Variants in ATM observed in about 807,000 individuals in gnomAD.
The protein encoded by ATM is ATM serine/threonine kinase.
ATM carries 308 observed loss-of-function variants against 387.0 expected under a neutral mutation model. That is an observed-to-expected ratio of 0.80 (90% CI 0.73 to 0.87). The LOEUF (loss-of-function observed/expected upper bound fraction) is 0.87, where lower values mean the gene tolerates loss of function less well. ATM is among the 40% of genes least tolerant of loss of function. The pLI is 0.00. For synonymous variants in ATM, 1,156 were observed against 1,187.3 expected (o/e 0.97, Z 0.54); for missense variants, 3,312 against 3,560.9 (o/e 0.93, Z 1.78).
rs574458765 is a variant in ATM, at chr11:108,251,021, T to C, written c.1556T>C (p.Val519Ala). ...ATAATTCAGGGTAGTTTAGTTGAGGTTGACAGAGAATTCTGGAAGTTATTT... is the reference window on the plus strand; with the variant it reads ...ATAATTCAGGGTAGTTTAGTTGAGGCTGACAGAGAATTCTGGAAGTTATTT... Reference protein sequence around the residue: ...GAIIQGSLVEVDREFWKLFTG... With the variant: ...GAIIQGSLVEADREFWKLFTG... Residue 519 changes from valine (V) to alanine (A), a missense_variant, in exon 10 of 63, where the codon GTT (valine) becomes GCT (alanine). Val to Ala is a moderately conservative substitution (Grantham distance 64). Around this residue, in one of 4 missense-constraint regions of ATM, gnomAD observed 1,791 missense variants for 1,804.5 expected, o/e 0.99. Coordinates refer to ENST00000675843, the MANE Select transcript of ATM (RefSeq NM_000051.4). The C allele has an allele frequency of 1.3e-5, 21 of 1,614,154 alleles. No individual in the cohort carries two copies. The South Asian group carries it at 2.0e-4, about 15-fold the overall frequency.
At chr11:108,307,860 A>G in intron 37 of ATM, 37 bp from the exon 38 acceptor site, 1 of 1,546,212 alleles carries the variant, frequency 6.5e-7, no homozygotes, top group Non-Finnish European at 8.9e-7. Context: ...GTAAGCAAGA[A>G]TGCCTGGGAC....
chr11:108,340,076 CAT>C (rs1473604881), intron 56 of ATM: 2 of 152,266 alleles, frequency 1.3e-5, no homozygotes, highest in Admixed American at 1.3e-4. Context: ...ACATAATAAA[CAT>C]AATTATAATG....
At chr11:108,275,333 T>C (rs1455922191) in intron 22 of ATM, among the ~76,000 whole-genome samples, 1 of 152,244 alleles carries the variant, frequency 6.6e-6, no homozygotes, top group Non-Finnish European at 1.5e-5. Flanking sequence ...GTCTCTGTCT[T>C]TTAACTGGGA....
rs730881322 is a variant in ATM at position 108,343,249 on chromosome 11, G to A, written c.8296G>A (p.Val2766Ile). The change falls in exon 57 of 63, where the codon GTT becomes ATT. Residue 2766 changes from valine to isoleucine, a missense_variant. Coordinates refer to ENST00000675843, the MANE Select transcript of ATM (RefSeq NM_000051.4). ...GGTTCCCCTCTCTCAGCGAAGTGGT[G>A]TTCTTGAATGGTGCACAGGAACTGT... ...KVVPLSQRSGVLEWCTGTVPI... is the reference protein window; with the variant it reads ...KVVPLSQRSGILEWCTGTVPI... 6.2e-7 allele frequency: 1 copy of A among 1,614,008 alleles called. No individual in the cohort carries two copies. The highest frequency in any genetic ancestry group is 8.5e-7 in the Non-Finnish European group (1 of 1,179,928).
chr11:108,308,165 G>GTCAA lies in ATM; in HGVS notation c.5762+182_5762+185dup, dbSNP rs1340274067. The GTCAA allele has an allele frequency of 9.3e-6, 6 of 643,112 alleles. No homozygotes were observed. In the Admixed American group the frequency reaches 1.4e-4, roughly 15 times the overall value. 39.8% of individuals were successfully genotyped at this position (643,112 alleles called of 1,614,324 possible). ...AGGATAGCAGTTTGGTTAAATCAGTGTCAAGAACTCTCAATTCTAGTACCA... is the reference window on the plus strand; with the variant it reads ...AGGATAGCAGTTTGGTTAAATCAGTGTCAATCAAGAACTCTCAATTCTAGTACCA... On this transcript the variant is annotated intron_variant, in intron 38 of 62. Coordinates refer to ENST00000675843, the MANE Select transcript of ATM (RefSeq NM_000051.4).
At chr11:108,311,148 T>G (rs2084123980) in intron 39 of ATM, among the ~76,000 whole-genome samples, 1 of 152,092 alleles carries the variant, frequency 6.6e-6, no homozygotes, top group Non-Finnish European at 1.5e-5. Context: ...TTTTAATTTT[T>G]ATTTTTAATA....
At chr11:108,331,625 GTA>G in intron 51 of ATM, 68 bp downstream of exon 51, 3 of 1,432,038 alleles carry the variant, frequency 2.1e-6, no homozygotes, top group Non-Finnish European at 2.8e-6. Flanking sequence ...ATTATATAAA[GTA>G]TATATACCAT....
chr11:108,347,256 T>G, intron 58 of ATM, 23 bp from the exon 59 acceptor site: 6 of 1,506,924 alleles, frequency 4.0e-6, no homozygotes, highest in South Asian at 1.1e-5. Flanking sequence ...TGATTTCAGA[T>G]TGTTTGTTTC....
At chr11:108,246,109 C>G (rs1231378540) in intron 7 of ATM, among the ~76,000 whole-genome samples, 1 of 152,084 alleles carries the variant, frequency 6.6e-6, no homozygotes, top group Non-Finnish European at 1.5e-5. Context: ...CAGGCATGAG[C>G]CACTGTGCCC....
Position 108,271,367 on chromosome 11 carries a change from A to C in ATM, c.3038A>C (p.Asp1013Ala), listed in dbSNP as rs756015891. 1.9e-6 allele frequency: 3 copies of C among 1,614,026 alleles called. No homozygotes were observed. The South Asian group carries it at 3.3e-5, about 18-fold the overall frequency. The change falls in exon 20 of 63, where the codon GAT (aspartate) becomes GCT (alanine). Residue 1013 changes from aspartate (D) to alanine (A), a missense_variant. Coordinates refer to ENST00000675843, the MANE Select transcript of ATM (RefSeq NM_000051.4). ...QSNMDSENTR[D>A]AQGQFLTVIG... Reference sequence around the variant, plus strand: ...AATATGGACTCTGAGAACACAAGGGATGCTCAAGGACAGTTTCTTACAGTA... The same window carrying C: ...AATATGGACTCTGAGAACACAAGGGCTGCTCAAGGACAGTTTCTTACAGTA...
Position 108,284,269 on chromosome 11 carries a change from T to C in ATM, c.3789T>C (p.Ser1263=), listed in dbSNP as rs2135705245. 1 of 1,613,080 alleles carries C rather than the reference T, an allele frequency of 6.2e-7. No homozygotes were observed. Among genetic ancestry groups the C allele is most frequent in the South Asian group, 1.1e-5 (1 of 91,034 alleles). ...TGATTCCACATCTGGTGATTAGAAGTCATTTTGATGAGGTGAAGTCCATTG... is the reference window on the plus strand; with the variant it reads ...TGATTCCACATCTGGTGATTAGAAGCCATTTTGATGAGGTGAAGTCCATTG... ...KVLIPHLVIR[S]HFDEVKSIAN... is the part of the protein sequence containing the mutation. The change falls in exon 26 of 63, where the codon AGT becomes AGC. Residue 1263 remains serine, a synonymous_variant. Transcript: ENST00000675843.
At chr11:108,296,463 G>T (rs994582743) in intron 32 of ATM, among the ~76,000 whole-genome samples, 1 of 151,980 alleles carries the variant, frequency 6.6e-6, no homozygotes, top group Non-Finnish European at 1.5e-5. Context: ...TGTTGTCCAG[G>T]CTGGTCTTGA....
At chr11:108,253,430 A>G (rs757664661) in intron 12 of ATM, among the ~76,000 whole-genome samples, 2 of 152,090 alleles carry the variant, frequency 1.3e-5, no homozygotes, top group Admixed American at 1.3e-4. Context: ...CTGCTTACCT[A>G]TACCAGATGT....
intron 5 of ATM, among the ~76,000 whole-genome samples, chr11:108,243,440 C>T (rs2079666032): frequency 6.6e-6 from 1 of 152,074 alleles, no homozygotes; most frequent in African/African-American, 2.4e-5. Context: ...CGGTGAAACC[C>T]CATCTTTACT....
At chr11:108,315,625 A>G (rs1315045090) in intron 40 of ATM, among the ~76,000 whole-genome samples, 198 bp from the exon 41 acceptor site, 1 of 152,178 alleles carries the variant, frequency 6.6e-6, no homozygotes, top group African/African-American at 2.4e-5. Context: ...ATCCACATAT[A>G]AGTTGTCCTG....
At chr11:108,342,425 G>T (rs2087703396) in intron 56 of ATM, among the ~76,000 whole-genome samples, 1 of 152,088 alleles carries the variant, frequency 6.6e-6, no homozygotes, top group Non-Finnish European at 1.5e-5. Flanking sequence ...TATACATATA[G>T]TATCCTAATT....
At chr11:108,337,911 A>G (rs1024449034) in intron 56 of ATM, among the ~76,000 whole-genome samples, 2 of 152,268 alleles carry the variant, frequency 1.3e-5, no homozygotes, top group African/African-American at 4.8e-5. Flanking sequence ...TGAACCTCCA[A>G]AGTTCATTGC....
Position 108,308,418 on chromosome 11 carries a change from G to A in ATM, c.5762+434G>A, listed in dbSNP as rs2301195. On this transcript the variant is annotated intron_variant, in intron 38 of 62. Coordinates refer to ENST00000675843, the MANE Select transcript of ATM (RefSeq NM_000051.4). ...GATGTAAGTTTCTTTACTGTGTGCA[G>A]TGGTCTCAAAATCTGTGGCAATACT... 7.4e-5 allele frequency: 16 copies of A among 216,990 alleles called. No individual in the cohort carries two copies. The East Asian group carries it at 1.9e-3, about 26-fold the overall frequency. The allele number at this position is 216,990 out of a possible 1,614,324, so 13.4% of individuals were successfully genotyped here.
Position 108,366,055 on chromosome 11 carries a change from C to G in ATM, c.*547C>G. On this transcript the variant is annotated 3_prime_UTR_variant, in exon 63 of 63. Transcript: ENST00000675843. ...AAAAAAAAAAAAAAAAAAACAGAAACGTATTTGGATTTTTCCTAGTAAGAT... is the reference window on the plus strand; with the variant it reads ...AAAAAAAAAAAAAAAAAAACAGAAAGGTATTTGGATTTTTCCTAGTAAGAT... 1 of 162,372 alleles carries G rather than the reference C, an allele frequency of 6.2e-6. No individual in the cohort carries two copies. The highest frequency in any genetic ancestry group is 1.3e-5 in the Non-Finnish European group (1 of 77,104). 10.1% of individuals were successfully genotyped at this position (162,372 alleles called of 1,614,324 possible). A position where few individuals can be genotyped will look rare whatever the true frequency, so the allele number is the denominator to read the frequency against.
Sources: allele counts gnomAD v4.1 joint callset (sites outside exome capture counted in the v4.1 genomes callset), GRCh38; gene constraint gnomAD v4.1.1; regional missense constraint gnomAD v4.1.1; transcripts MANE v1.5; gene names NCBI Gene and HGNC (gene_info 2026-07-23, HGNC 2026-07-21).